Variants in CREB5 observed in about 807,000 individuals in gnomAD.
CREB5 encodes the protein cAMP responsive element binding protein 5.
CREB5 carries 19 observed loss-of-function variants against 57.1 expected under a neutral mutation model. The observed-to-expected ratio is 0.33, with a 90% confidence interval of 0.23 to 0.49. The LOEUF (loss-of-function observed/expected upper bound fraction) is 0.49, where lower values mean the gene tolerates loss of function less well. Ranked by LOEUF, CREB5 falls within the 20% of genes least tolerant of loss-of-function variation. The pLI is 0.99. For synonymous variants in CREB5, 238 were observed against 238.3 expected (o/e 1.00, Z 0.01); for missense variants, 579 against 671.6 (o/e 0.86, Z 1.52).
chr7:28,557,760 C>T (rs1794934521), intron 4 of CREB5, among the ~76,000 whole-genome samples: 1 of 152,104 alleles, frequency 6.6e-6, no homozygotes, highest in African/African-American at 2.4e-5. Context: ...TAGCTGGTGC[C>T]AAGGCTCCTG....
At chr7:28,528,552 A>T (rs1793552746) in intron 4 of CREB5, among the ~76,000 whole-genome samples, 1 of 152,066 alleles carries the variant, frequency 6.6e-6, no homozygotes, top group Non-Finnish European at 1.5e-5. Context: ...TAAAAACACA[A>T]AATTAGCCAA....
At chr7:28,693,095 T>G (rs2128731716) in intron 5 of CREB5, among the ~76,000 whole-genome samples, 1 of 150,126 alleles carries the variant, frequency 6.7e-6, no homozygotes, top group South Asian at 2.1e-4. Context: ...ACAAAGTCTT[T>G]CTTTCTCTCT....
chr7:28,308,327 A>G (rs1432022901), intron 1 of CREB5, among the ~76,000 whole-genome samples: 65 of 152,248 alleles, frequency 4.3e-4, no homozygotes, highest in Non-Finnish European at 2.9e-5. Context: ...TGCTTAGAGC[A>G]CAATATGTAA....
intron 9 of CREB5, among the ~76,000 whole-genome samples, chr7:28,817,416 A>T (rs1029938441): frequency 7.9e-5 from 12 of 152,154 alleles, no homozygotes; most frequent in Admixed American, 7.2e-4. Context: ...AGGTCAATTT[A>T]TTTTCAGATA....
chr7:28,777,520 A>G (rs1355634910), intron 7 of CREB5, among the ~76,000 whole-genome samples: 2 of 152,226 alleles, frequency 1.3e-5, no homozygotes, highest in East Asian at 3.8e-4. Flanking sequence ...TTGTATAACT[A>G]CATTCCATCA....
intron 5 of CREB5, among the ~76,000 whole-genome samples, chr7:28,680,844 C>T (rs1438962152): frequency 2.6e-5 from 4 of 151,980 alleles, no homozygotes; most frequent in Non-Finnish European, 4.4e-5. Flanking sequence ...CCACTCTAGT[C>T]ATAGAGATTG....
chr7:28,411,287 G>C (rs578209707), upstream of CREB5, among the ~76,000 whole-genome samples: 2 of 152,282 alleles, frequency 1.3e-5, no homozygotes, highest in East Asian at 3.9e-4. Context: ...GAAGAGGGAT[G>C]CTGACAAAAT....
chr7:28,566,763 G>C (rs1378248534), intron 4 of CREB5, among the ~76,000 whole-genome samples: 6 of 152,210 alleles, frequency 3.9e-5, no homozygotes, highest in African/African-American at 1.4e-4. Flanking sequence ...GGGTTTTGGA[G>C]AAGACTGGAG....
intron 7 of CREB5, among the ~76,000 whole-genome samples, chr7:28,745,164 A>G (rs1437440883): frequency 2.0e-5 from 3 of 152,198 alleles, no homozygotes; most frequent in African/African-American, 7.2e-5. Flanking sequence ...GAAGGCAAAC[A>G]GTATTCATAA....
intron 1 of CREB5, among the ~76,000 whole-genome samples, chr7:28,478,512 G>A (rs1791175198): frequency 6.6e-6 from 1 of 152,060 alleles, no homozygotes; most frequent in South Asian, 2.1e-4. Context: ...TTCTGTGAGC[G>A]GAGGGCTAAT....
At chr7:28,657,917 T>C (rs890936813) in intron 5 of CREB5, among the ~76,000 whole-genome samples, 5 of 152,314 alleles carry the variant, frequency 3.3e-5, no homozygotes, top group African/African-American at 1.2e-4. Context: ...TATGTGTGTA[T>C]AAATCTCTTT....
In CREB5 at chr7:28,507,654, G is replaced by C; in HGVS notation, c.208G>C (p.Glu70Gln). Reference sequence around the variant, plus strand: ...CCCAACGAGATTCCTGAAGAACTGCGAGGAGGTGGGCCTCTTCAGCGAGCT... The same window carrying C: ...CCCAACGAGATTCCTGAAGAACTGCCAGGAGGTGGGCCTCTTCAGCGAGCT... ...PTPTRFLKNC[E>Q]EVGLFSELDC... is the part of the protein sequence containing the mutation. The change falls in exon 4 of 11, where the codon GAG becomes CAG. Residue 70 changes from glutamate (E) to glutamine (Q), a missense_variant. Transcript: ENST00000357727. 1 of 1,610,728 alleles carries C rather than the reference G, an allele frequency of 6.2e-7. No homozygotes were observed.
At chr7:28,560,996 CTGCGTG>C (rs1479260748) in intron 4 of CREB5, among the ~76,000 whole-genome samples, 2 of 42,342 alleles carry the variant, frequency 4.7e-5, no homozygotes, top group East Asian at 5.4e-4. Flanking sequence ...GTGTGTGTGC[CTGCGTG>C]TGCGTGTGTG....
At chr7:28,323,473 T>C (rs1192408307) in intron 1 of CREB5, among the ~76,000 whole-genome samples, 1 of 152,156 alleles carries the variant, frequency 6.6e-6, no homozygotes, top group African/African-American at 2.4e-5. Flanking sequence ...CAGCAGTTAA[T>C]CTACCCATAC....
chr7:28,428,061 C>T (rs560264485), intron 1 of CREB5, among the ~76,000 whole-genome samples: 1 of 152,284 alleles, frequency 6.6e-6, no homozygotes, highest in African/African-American at 2.4e-5. Context: ...GGAAGGTGGA[C>T]TTTCAGATAA....
chr7:28,628,315 C>T (rs1041895561), intron 5 of CREB5, among the ~76,000 whole-genome samples: 1 of 152,036 alleles, frequency 6.6e-6, no homozygotes, highest in Non-Finnish European at 1.5e-5. Context: ...TTTACTGAAA[C>T]CTCTTACCAC....
At chr7:28,486,122 G>A (rs1038708117) in intron 1 of CREB5, among the ~76,000 whole-genome samples, 3 of 152,146 alleles carry the variant, frequency 2.0e-5, no homozygotes, top group African/African-American at 7.2e-5. Flanking sequence ...GCATCGCTCT[G>A]TGAAAGCTGG....
chr7:28,313,749 G>T (rs965117637), intron 1 of CREB5, among the ~76,000 whole-genome samples: 6 of 152,282 alleles, frequency 3.9e-5, no homozygotes, highest in African/African-American at 1.2e-4. Context: ...TTTTAACACA[G>T]CTTTGTGGAC....
rs1203743831 is a variant in CREB5, at chr7:28,353,777, A to G, written c.-25+54336A>G. ...AGAATGGCGTGAACCCAGGAGGCGG[A>G]GCTTGCAGTGAGCAGAGATCACACC... On this transcript the variant is annotated intron_variant, in intron 1 of 9. Coordinates refer to the CREB5 transcript ENST00000396299. Among the ~76,000 whole-genome samples the G allele has an allele frequency of 2.7e-4, 40 of 150,804 alleles. No individual in the cohort carries two copies. In the Admixed American group the frequency reaches 2.7e-3, roughly 10 times the overall value.
Sources: gnomAD v4.1 joint callset for allele counts (sites outside exome capture counted in the v4.1 genomes callset) on GRCh38, gnomAD v4.1.1 for gene constraint, MANE v1.5 for transcripts, NCBI Gene and HGNC (gene_info 2026-07-23, HGNC 2026-07-21) for gene names.